ABR: variants seen among roughly 807,000 people sequenced by gnomAD.
ABR encodes the protein active breakpoint cluster region-related protein.
ABR carries 35 observed loss-of-function variants against 107.2 expected under a neutral mutation model. The ratio of observed to expected loss-of-function variants is 0.33; its 90% confidence interval spans 0.25 to 0.43. ABR has a LOEUF of 0.43. Ranked by LOEUF, ABR falls within the 20% of genes least tolerant of loss-of-function variation. The pLI is 1.00. For synonymous variants in ABR, 498 were observed against 462.0 expected (o/e 1.08, Z -1.00); for missense variants, 815 against 1,115.2 (o/e 0.73, Z 3.83).
chr17:1,057,206 A>T (rs184526754), intron 12 of ABR, 104 bp from the exon 13 acceptor site: 5 of 740,092 alleles, frequency 6.8e-6, no homozygotes, highest in Admixed American at 2.1e-5. Context: ...TCCCTGGGGC[A>T]GACTTGGTCC....
chr17:1,170,830 G>A (rs987588794), intron 1 of ABR, among the ~76,000 whole-genome samples: 11 of 152,090 alleles, frequency 7.2e-5, no homozygotes, highest in Admixed American at 6.5e-4. Context: ...CCAGGATCCT[G>A]GGAGACCCAA....
intron 4 of ABR, among the ~76,000 whole-genome samples, chr17:1,089,853 G>A (rs1165941096): frequency 6.6e-6 from 1 of 152,174 alleles, no homozygotes; most frequent in African/African-American, 2.4e-5. Flanking sequence ...CCAGCTACTC[G>A]GGATGCTGAG....
At chr17:1,020,126 C>T (rs529617848) in intron 16 of ABR, among the ~76,000 whole-genome samples, 1 of 152,198 alleles carries the variant, frequency 6.6e-6, no homozygotes, top group Non-Finnish European at 1.5e-5. Context: ...CTCTGTCGCC[C>T]AGGCTGGAGT....
chr17:1,121,387 T>C (rs7213158), intron 2 of ABR, among the ~76,000 whole-genome samples: 2,824 of 152,342 alleles, frequency 0.019, 81 homozygotes, highest in African/African-American at 0.064. Context: ...TGCTGTTGGC[T>C]CCCCAGCCCT....
rs112807578 is a variant in ABR at position 1,024,994 on chromosome 17, G to A, written c.1792-11830C>T. 4.2e-3 allele frequency among the ~76,000 whole-genome samples: 610 copies of A among 146,218 alleles called. 3 individuals carry two copies. The highest frequency in any genetic ancestry group is 0.014 in the African/African-American group (563 of 39,458). On this transcript the variant is annotated intron_variant, in intron 16 of 22. Transcript: ENST00000302538. The stretch of plus-strand genomic sequence containing the variant: ...AAATTAGCTGGGCGAGGTGGCGGGC[G>A]CCTGTAGTCCCAGCTACTCGGGAGG...
chr17:1,014,224 G>A (rs566772908), intron 16 of ABR, among the ~76,000 whole-genome samples: 39 of 152,242 alleles, frequency 2.6e-4, no homozygotes, highest in East Asian at 3.9e-4. Flanking sequence ...GGCAGATCAC[G>A]AGCTCAGGAG....
chr17:1,199,305 GCAATTAACA>G (rs2042628919), intron 1 of ABR, among the ~76,000 whole-genome samples: 1 of 151,118 alleles, frequency 6.6e-6, no homozygotes, highest in South Asian at 2.1e-4. Flanking sequence ...AAGCCACGCT[GCAATTAACA>G]CACTGGCAGG....
At chr17:1,031,685 C>A in intron 16 of ABR, 1 of 1,256,246 alleles carries the variant, frequency 8.0e-7, no homozygotes, top group Non-Finnish European at 1.0e-6. Context: ...CCTCCAGCGC[C>A]AGGGGTTCGC....
rs1269921645 is a variant in ABR, at chr17:1,050,659, T to C, written c.1562-25A>G. ...TCTGTGGGGGAAGGACAGACGGAGA[T>C]ACTGAGTGAGTGGGGCCAGGGTGGG... On this transcript the variant is annotated intron_variant, in intron 14 of 22. Coordinates refer to ENST00000302538, the MANE Select transcript of ABR (RefSeq NM_021962.5). This position sits in a 1 kb window ranked among gnomAD's most constrained non-coding sequence, Gnocchi z 4.6. 6.2e-7 allele frequency: 1 copy of C among 1,600,854 alleles called. No individual in the cohort carries two copies. The highest frequency in any genetic ancestry group is 8.6e-7 in the Non-Finnish European group (1 of 1,168,600).
At chr17:1,224,650 G>C (rs963424818) in intron 1 of ABR, among the ~76,000 whole-genome samples, 3 of 152,170 alleles carry the variant, frequency 2.0e-5, no homozygotes, top group Non-Finnish European at 4.4e-5. Context: ...TCAGAGCCTT[G>C]CTGGGAGGGG....
At chr17:1,018,525 G>T (rs996975670) in intron 16 of ABR, among the ~76,000 whole-genome samples, 1 of 152,162 alleles carries the variant, frequency 6.6e-6, no homozygotes, top group Non-Finnish European at 1.5e-5. Flanking sequence ...TCCCACGACT[G>T]GGTGCCTCCT....
chr17:1,140,913 G>T (rs778160155), intron 1 of ABR, among the ~76,000 whole-genome samples: 9 of 151,924 alleles, frequency 5.9e-5, no homozygotes, highest in Non-Finnish European at 1.3e-4. Context: ...GGCAGAGGTT[G>T]CAGTGAGCTG....
At chr17:1,215,135 A>T (rs1416007162) in intron 1 of ABR, among the ~76,000 whole-genome samples, 1 of 151,222 alleles carries the variant, frequency 6.6e-6, no homozygotes, top group African/African-American at 2.4e-5. Flanking sequence ...CAGGAGAATC[A>T]CTTGAACCCA....
At chr17:1,147,642 G>A (rs2151517711) in intron 1 of ABR, among the ~76,000 whole-genome samples, 1 of 152,220 alleles carries the variant, frequency 6.6e-6, no homozygotes, top group East Asian at 1.9e-4. Flanking sequence ...ATTAGTGTGA[G>A]CTACCACGCC....
At chr17:1,111,388 T>C (rs937770829) in intron 2 of ABR, among the ~76,000 whole-genome samples, 3 of 152,008 alleles carry the variant, frequency 2.0e-5, no homozygotes, top group Admixed American at 1.3e-4. Context: ...CAGACTCCAC[T>C]CACAGGCCCT....
chr17:1,171,294 G>A (rs530665863), intron 1 of ABR, among the ~76,000 whole-genome samples: 1 of 152,148 alleles, frequency 6.6e-6, no homozygotes, highest in Admixed American at 6.5e-5. Context: ...AGGAGGAAGG[G>A]GTTAGCCCAG....
At position 1,010,842 on chromosome 17, in the gene ABR, A is replaced by G. The variant is rs770657882; in HGVS notation, c.2123T>C (p.Met708Thr). 30 of 1,613,854 alleles carry G rather than the reference A, an allele frequency of 1.9e-5. No individual in the cohort carries two copies. The highest frequency in any genetic ancestry group is 2.5e-5 in the Non-Finnish European group (29 of 1,179,994). ...GGCGTTGATGTCCATGTCACTCAGCATCAGCAGGATGTCCTTGTTATCTGC... is the reference window on the plus strand; with the variant it reads ...GGCGTTGATGTCCATGTCACTCAGCGTCAGCAGGATGTCCTTGTTATCTGC... ...FDANNKDILL[M>T]LSDMDINAIA... The change falls in exon 20 of 23, where the codon ATG becomes ACG. Residue 708 changes from methionine to threonine, a missense_variant. Around this residue, in one of 5 missense-constraint regions of ABR, gnomAD observed 175 missense variants for 284.3 expected, o/e 0.62. Coordinates refer to ENST00000302538, the MANE Select transcript of ABR (RefSeq NM_021962.5). This position sits in a 1 kb window ranked among gnomAD's most constrained non-coding sequence, Gnocchi z 4.1.
At position 1,083,629 on chromosome 17, in the gene ABR, T is replaced by G; in HGVS notation, c.532-2A>C. 1 of 1,612,678 alleles carries G rather than the reference T, an allele frequency of 6.2e-7. No homozygotes were observed. Among genetic ancestry groups the G allele is most frequent in the Non-Finnish European group, 8.5e-7 (1 of 1,179,098 alleles). ...TTTGTACACACCGAGCTGGCTGGCC[T>G]GCAGGGAGGAGTCAGGGAACAGAGG... On this transcript the variant is annotated splice_acceptor_variant, in intron 4 of 22. Coordinates refer to ENST00000302538, the MANE Select transcript of ABR (RefSeq NM_021962.5). LOFTEE classifies it high-confidence loss of function.
At chr17:1,031,740 A>G in intron 16 of ABR, 1 of 1,235,416 alleles carries the variant, frequency 8.1e-7, no homozygotes, top group African/African-American at 1.6e-5. Context: ...GACGTCGGTC[A>G]TGCCGGGGGG....
Sources: allele counts gnomAD v4.1 joint callset (sites outside exome capture counted in the v4.1 genomes callset), GRCh38; gene constraint gnomAD v4.1.1; regional missense constraint gnomAD v4.1.1; non-coding constraint Gnocchi (gnomAD v3.1); transcripts MANE v1.5; gene names NCBI Gene and HGNC (gene_info 2026-07-23, HGNC 2026-07-21).